ADAMTS15: variants seen among roughly 807,000 people sequenced by gnomAD.
ADAMTS15 encodes A disintegrin and metalloproteinase with thrombospondin motifs 15.
A neutral mutation model predicts 79.1 loss-of-function variants in ADAMTS15; 35 were observed. The ratio of observed to expected loss-of-function variants is 0.44; its 90% CI spans 0.34 to 0.59. ADAMTS15 has a LOEUF of 0.59. ADAMTS15 is among the 20% of genes least tolerant of loss of function. ADAMTS15 has a pLI of 0.02. For missense variants in ADAMTS15, 1,324 were observed against 1,318.7 expected (o/e 1.00, Z -0.06); for synonymous variants, 616 against 567.3 (o/e 1.09, Z -1.22).
At chr11:130,466,454 C>T (rs1476786867) in intron 4 of ADAMTS15, among the ~76,000 whole-genome samples, 3 of 152,166 alleles carry the variant, frequency 2.0e-5, no homozygotes, top group Admixed American at 6.5e-5. Flanking sequence ...GCTGCGCTGG[C>T]AACTCCACAT....
chr11:130,450,344 C>T lies in ADAMTS15; in HGVS notation c.957+414C>T, dbSNP rs147614310. ...ATGGGCGGCTGAGTCTTCTCGGACA[C>T]CTCCTGAGGTCTCCTTTCAAGGGTT... On this transcript the variant is annotated intron_variant, in intron 1 of 7. Coordinates refer to ENST00000299164, the MANE Select transcript of ADAMTS15 (RefSeq NM_139055.4). 5.9e-4 allele frequency: 585 copies of T among 985,460 alleles called. 1 individual carries two copies. In the African/African-American group the frequency reaches 9.1e-3, roughly 15 times the overall value. 61.0% of individuals were successfully genotyped at this position (985,460 alleles called of 1,614,324 possible).
At position 130,473,440 on chromosome 11, in the gene ADAMTS15, C is replaced by T. The variant is rs893805649; in HGVS notation, c.2472C>T (p.Ser824=). ...DPRGPSVLHN[S]VLSLSNQVEQ... Reference sequence around the variant, plus strand: ...GGGGACCCTCTGTCTTGCACAACAGCGTCCTCAGCCTCTCCAACCAGGTGG... The same window carrying T: ...GGGGACCCTCTGTCTTGCACAACAGTGTCCTCAGCCTCTCCAACCAGGTGG... Residue 824 remains serine, a synonymous_variant, in exon 8 of 8, where the codon AGC becomes AGT. Coordinates refer to ENST00000299164, the MANE Select transcript of ADAMTS15 (RefSeq NM_139055.4). 24 of 1,612,722 alleles carry T rather than the reference C, an allele frequency of 1.5e-5. No homozygotes were observed. Among genetic ancestry groups the T allele is most frequent in the South Asian group, 4.4e-5 (4 of 91,090 alleles).
intron 1 of ADAMTS15, among the ~76,000 whole-genome samples, chr11:130,460,832 GTGGCCATCTCTCTATTTCA>G: frequency 6.6e-6 from 1 of 152,250 alleles, no homozygotes; most frequent in Non-Finnish European, 1.5e-5. Flanking sequence ...TCCTGCTTAG[GTGGCCATCTCTCTATTTCA>G]TGTATCTTTC....
At position 130,469,433 on chromosome 11, in the gene ADAMTS15, A is replaced by G. The variant is rs753495787; in HGVS notation, c.1714A>G (p.Ser572Gly). 1 of 1,338,322 alleles carries G rather than the reference A, an allele frequency of 7.5e-7. No individual in the cohort carries two copies. 82.9% of individuals were successfully genotyped at this position (1,338,322 alleles called of 1,614,324 possible). ...ATCCTGCAATCTGGAGCCCTGCCCC[A>G]GCTCAGGTGAGGTGGGGAGAGCAGT... ...YRSCNLEPCP[S>G]SASGKSFREE... The change falls in exon 5 of 8, where the codon AGC becomes GGC. Residue 572 changes from serine to glycine, a missense_variant. Transcript: ENST00000299164.
intron 1 of ADAMTS15, among the ~76,000 whole-genome samples, chr11:130,457,155 CG>C (rs1303893690): frequency 6.7e-6 from 1 of 149,238 alleles, no homozygotes; most frequent in Non-Finnish European, 1.5e-5. Context: ...TGCTTGAACC[CG>C]GGAGGCAGAG....
At position 130,449,307 on chromosome 11, in the gene ADAMTS15, G is replaced by T; in HGVS notation, c.334G>T (p.Asp112Tyr). Residue 112 changes from aspartate to tyrosine, a missense_variant, in exon 1 of 8, where the codon GAC (aspartate) becomes TAC (tyrosine). Physicochemically the swap from Asp to Tyr is radical, Grantham distance 160. Transcript: ENST00000299164. This position sits in a 1 kb window ranked among gnomAD's most constrained non-coding sequence, Gnocchi z 7.8. ...FYSGDVNAEP[D>Y]SFAAVSLCGG... is the part of the protein sequence containing the mutation. ...TTCTGGGGACGTGAACGCCGAGCCG[G>T]ACTCGTTCGCTGCTGTGAGCCTGTG... 6.2e-7 allele frequency: 1 copy of T among 1,610,896 alleles called. No homozygotes were observed. Among genetic ancestry groups the T allele is most frequent in the Non-Finnish European group, 8.5e-7 (1 of 1,180,018 alleles).
At chr11:130,463,754 A>G (rs1331803027) in intron 4 of ADAMTS15, among the ~76,000 whole-genome samples, 1 of 152,202 alleles carries the variant, frequency 6.6e-6, no homozygotes, top group African/African-American at 2.4e-5. Flanking sequence ...ACTGTGTAAG[A>G]TACTGTGGTG....
chr11:130,456,325 C>A (rs1228111468), intron 1 of ADAMTS15, among the ~76,000 whole-genome samples: 6 of 152,072 alleles, frequency 3.9e-5, no homozygotes, highest in African/African-American at 1.4e-4. Context: ...TGGGGTCCCT[C>A]TTCTTCCTCA....
Position 130,473,279 on chromosome 11 carries a change from G to T in ADAMTS15, c.2311G>T (p.Ala771Ser), listed in dbSNP as rs748153962. ...GTGTAVESLQ[A>S]SRPILEPLTV... The stretch of plus-strand genomic sequence containing the variant: ...GGGCACAGCGGTGGAGAGCCTGCAG[G>T]CTTCCCGGCCCATCCTGGAGCCGCT... The change falls in exon 8 of 8, where the codon GCT becomes TCT. Residue 771 changes from alanine to serine, a missense_variant. Ala to Ser is a moderately conservative substitution (Grantham distance 99, BLOSUM62 1). Coordinates refer to ENST00000299164, the MANE Select transcript of ADAMTS15 (RefSeq NM_139055.4). 3 of 1,613,254 alleles carry T rather than the reference G, an allele frequency of 1.9e-6. No individual in the cohort carries two copies. The highest frequency in any genetic ancestry group is 1.1e-5 in the South Asian group (1 of 91,074).
At chr11:130,466,056 G>A (rs34243936) in intron 4 of ADAMTS15, among the ~76,000 whole-genome samples, 56,873 of 151,648 alleles carry the variant, frequency 0.38, 10,988 homozygotes, top group Middle Eastern at 0.45. Context: ...TATTTTTAGT[G>A]GAGATGGGGT....
In ADAMTS15 at chr11:130,462,029, C is replaced by T. The variant is rs1274442335; in HGVS notation, c.1091-58C>T. The T allele has an allele frequency of 6.8e-7, 1 of 1,479,864 alleles. No homozygotes were observed. The highest frequency in any genetic ancestry group is 1.8e-5 in the Admixed American group (1 of 55,598). The allele number at this position is 1,479,864 out of a possible 1,614,324, so 91.7% of individuals were successfully genotyped here. A position where few individuals can be genotyped will look rare whatever the true frequency, so the allele number is the denominator to read the frequency against. The stretch of plus-strand genomic sequence containing the variant: ...TTTCTAGTTCCCCTGCCCCATTCCT[C>T]CCTCCAACCCCCATGTCCTTCCTCC... On this transcript the variant is annotated intron_variant, in intron 2 of 7. Coordinates refer to ENST00000299164, the MANE Select transcript of ADAMTS15 (RefSeq NM_139055.4). This position sits in a 1 kb window ranked among gnomAD's most constrained non-coding sequence, Gnocchi z 4.3.
rs758927185 is a variant in ADAMTS15 at position 130,462,274 on chromosome 11, G to T, written c.1258+20G>T. ...GGCACGGTAAGCCAGGACGGCGGGA[G>T]GGCAATGAGGCCGCCTCGGAGGGGG... On this transcript the variant is annotated intron_variant, in intron 3 of 7. Transcript: ENST00000299164. This position sits in a 1 kb window ranked among gnomAD's most constrained non-coding sequence, Gnocchi z 4.3. The T allele has an allele frequency of 6.2e-7, 1 of 1,601,772 alleles. No homozygotes were observed. Among genetic ancestry groups the T allele is most frequent in the Non-Finnish European group, 8.5e-7 (1 of 1,172,214 alleles).
At chr11:130,467,145 A>C (rs1275999736) in intron 4 of ADAMTS15, among the ~76,000 whole-genome samples, 2 of 152,228 alleles carry the variant, frequency 1.3e-5, no homozygotes, top group African/African-American at 4.8e-5. Flanking sequence ...ATGATACCAA[A>C]TAAAAACCAG....
rs759327428 is a variant in ADAMTS15, at chr11:130,469,324, C to T, written c.1605C>T (p.Gly535=). 9 of 1,389,760 alleles carry T rather than the reference C, an allele frequency of 6.5e-6. No individual in the cohort carries two copies. Among genetic ancestry groups the T allele is most frequent in the African/African-American group, 3.0e-5 (2 of 66,912 alleles). 86.1% of individuals were successfully genotyped at this position (1,389,760 alleles called of 1,614,324 possible). A position where few individuals can be genotyped will look rare whatever the true frequency, so the allele number is the denominator to read the frequency against. ...CCTGCTCGCGCACATGTGGTGGGGG[C>T]GTGCAGCTGGCCAGGAGGCAGTGCA... is the stretch of plus-strand genomic sequence containing the variant. ...YGPCSRTCGG[G]VQLARRQCTN... The change falls in exon 5 of 8, where the codon GGC becomes GGT. Residue 535 remains glycine, a synonymous_variant. Transcript: ENST00000299164.
Position 130,462,405 on chromosome 11 carries a change from C to A in ADAMTS15, c.1259-92C>A. 6.6e-7 allele frequency: 1 copy of A among 1,509,990 alleles called. No homozygotes were observed. The highest frequency in any genetic ancestry group is 1.3e-5 in the South Asian group (1 of 76,912). The allele number at this position is 1,509,990 out of a possible 1,614,324, so 93.5% of individuals were successfully genotyped here. A position where few individuals can be genotyped will look rare whatever the true frequency, so the allele number is the denominator to read the frequency against. ...CTGACATGAGTGCATTCCTGTTGCCCTTGGTTCATTATCCCCTTACCATTC... is the reference window on the plus strand; with the variant it reads ...CTGACATGAGTGCATTCCTGTTGCCATTGGTTCATTATCCCCTTACCATTC... On this transcript the variant is annotated intron_variant, in intron 3 of 7. Coordinates refer to ENST00000299164, the MANE Select transcript of ADAMTS15 (RefSeq NM_139055.4). The surrounding 1 kb of genome is among the most constrained non-coding windows in gnomAD (Gnocchi z 4.3).
chr11:130,456,737 G>C (rs1186541928), intron 1 of ADAMTS15, among the ~76,000 whole-genome samples: 1 of 152,144 alleles, frequency 6.6e-6, no homozygotes, highest in Non-Finnish European at 1.5e-5. Flanking sequence ...TAATAGCCAT[G>C]GGGACTGGGG....
chr11:130,449,775 A>C lies in ADAMTS15; in HGVS notation c.802A>C (p.Lys268Gln). ...CAACCCCATCAACATCGTTGTGGTC[A>C]AGGTGCTGCTTCTTAGAGATCGTGA... ...ILNPINIVVV[K>Q]VLLLRDRDSG... The change falls in exon 1 of 8, where the codon AAG becomes CAG. Residue 268 changes from lysine to glutamine, a missense_variant. Coordinates refer to ENST00000299164, the MANE Select transcript of ADAMTS15 (RefSeq NM_139055.4). The surrounding 1 kb of genome is among the most constrained non-coding windows in gnomAD (Gnocchi z 7.8). 6.2e-7 allele frequency: 1 copy of C among 1,612,608 alleles called. No homozygotes were observed. The highest frequency in any genetic ancestry group is 8.5e-7 in the Non-Finnish European group (1 of 1,180,022).
At chr11:130,469,467 G>C in intron 5 of ADAMTS15, 28 bp downstream of exon 5, 1 of 1,312,528 alleles carries the variant, frequency 7.6e-7, no homozygotes, top group Non-Finnish European at 9.8e-7. Context: ...GTGGTGGCCT[G>C]GGCCCAGGGG....
chr11:130,452,427 A>G (rs933959066), intron 1 of ADAMTS15, among the ~76,000 whole-genome samples: 3 of 152,076 alleles, frequency 2.0e-5, no homozygotes, highest in African/African-American at 7.2e-5. Context: ...TTTCTCATTT[A>G]TTTCTATGAG....
Sources: allele counts gnomAD v4.1 joint callset (sites outside exome capture counted in the v4.1 genomes callset), GRCh38; gene constraint gnomAD v4.1.1; non-coding constraint Gnocchi (gnomAD v3.1); transcripts MANE v1.5; gene names NCBI Gene and HGNC (gene_info 2026-07-23, HGNC 2026-07-21).